SLC4A10: variants seen among roughly 807,000 people sequenced by gnomAD.
SLC4A10 encodes sodium-driven chloride bicarbonate exchanger.
A neutral mutation model predicts 137.7 loss-of-function variants in SLC4A10; 42 were observed. The ratio of observed to expected loss-of-function variants is 0.30; its 90% CI spans 0.24 to 0.39. The LOEUF (loss-of-function observed/expected upper bound fraction) is 0.39, where lower values mean the gene tolerates loss of function less well. Ranked by LOEUF, SLC4A10 falls within the 10% of genes least tolerant of loss-of-function variation. The pLI is 1.00. For synonymous variants in SLC4A10, 474 were observed against 464.1 expected (o/e 1.02, Z -0.27); for missense variants, 925 against 1,355.0 (o/e 0.68, Z 4.98).
intron 1 of SLC4A10, among the ~76,000 whole-genome samples, chr2:161,765,577 T>G (rs1387860505): frequency 6.8e-6 from 1 of 147,000 alleles, no homozygotes; most frequent in Non-Finnish European, 1.5e-5. Context: ...ATCATGCCAC[T>G]GTACTCCAGC....
At chr2:161,724,541 C>T (rs1172791759) in intron 1 of SLC4A10, among the ~76,000 whole-genome samples, 2 of 152,122 alleles carry the variant, frequency 1.3e-5, no homozygotes, top group South Asian at 2.1e-4. Flanking sequence ...TTTAGTGCAG[C>T]GTGCTATGGG....
At chr2:161,856,468 C>G (rs1003839757) in intron 5 of SLC4A10, among the ~76,000 whole-genome samples, 15 of 151,392 alleles carry the variant, frequency 9.9e-5, no homozygotes, top group Non-Finnish European at 1.0e-4. Flanking sequence ...AGAGATTATT[C>G]TTTAAGTTAC....
intron 1 of SLC4A10, among the ~76,000 whole-genome samples, chr2:161,742,269 G>T (rs902700523): frequency 1.3e-5 from 2 of 152,000 alleles, no homozygotes; most frequent in African/African-American, 2.4e-5. Flanking sequence ...TGTGACTAAT[G>T]CTGGAATAAA....
chr2:161,814,943 A>C (rs2056905605), intron 3 of SLC4A10, among the ~76,000 whole-genome samples: 1 of 152,128 alleles, frequency 6.6e-6, no homozygotes, highest in African/African-American at 2.4e-5. Context: ...AATTATTTTT[A>C]AAACTTACCA....
intron 3 of SLC4A10, 142 bp downstream of exon 3, chr2:161,804,737 G>A (rs779296214): frequency 2.5e-4 from 164 of 647,332 alleles, no homozygotes; most frequent in Non-Finnish European, 3.5e-4. Context: ...AGAGAAGTGG[G>A]AGAGATAAAG....
intron 3 of SLC4A10, among the ~76,000 whole-genome samples, chr2:161,827,755 C>T (rs929591770): frequency 6.6e-6 from 1 of 152,098 alleles, no homozygotes; most frequent in Non-Finnish European, 1.5e-5. Flanking sequence ...TTAGTAGAGA[C>T]GGGGTTTCGC....
chr2:161,979,626 C>G (rs1463578818), intron 26 of SLC4A10, among the ~76,000 whole-genome samples: 1 of 152,176 alleles, frequency 6.6e-6, no homozygotes, highest in African/African-American at 2.4e-5. Flanking sequence ...ACTACTGATA[C>G]TAATAAGGCT....
intron 1 of SLC4A10, among the ~76,000 whole-genome samples, chr2:161,757,740 G>A (rs2049821224): frequency 6.6e-6 from 1 of 152,026 alleles, no homozygotes; most frequent in Admixed American, 6.6e-5. Flanking sequence ...TTCAATACAT[G>A]GGAACTATTT....
intron 1 of SLC4A10, among the ~76,000 whole-genome samples, chr2:161,691,731 T>A (rs2042021581): frequency 6.6e-6 from 1 of 152,114 alleles, no homozygotes. Context: ...GGGCAGAATC[T>A]CATAGAGGAG....
At chr2:161,789,356 C>G (rs1424393829) in intron 2 of SLC4A10, among the ~76,000 whole-genome samples, 1 of 152,102 alleles carries the variant, frequency 6.6e-6, no homozygotes, top group African/African-American at 2.4e-5. Flanking sequence ...TCAGTGTCTG[C>G]CAGACTTTTG....
At chr2:161,802,931 C>T (rs2055526929) in intron 2 of SLC4A10, among the ~76,000 whole-genome samples, 1 of 152,096 alleles carries the variant, frequency 6.6e-6, no homozygotes, top group Non-Finnish European at 1.5e-5. Context: ...TAAATACAGT[C>T]ACATTTGGGG....
chr2:161,839,848 A>C lies in SLC4A10; in HGVS notation c.337A>C (p.Ile113Leu). The C allele has an allele frequency of 1.9e-6, 3 of 1,613,894 alleles. No individual in the cohort carries two copies. The highest frequency in any genetic ancestry group is 2.5e-6 in the Non-Finnish European group (3 of 1,179,796). The change falls in exon 4 of 27, where the codon ATT becomes CTT. Residue 113 changes from isoleucine to leucine, a missense_variant. Transcript: ENST00000446997. ...AACCGAGGATGATGACGAGGAACAC[A>C]TTCCTCATGACCTTTTCACAGAACT... ...LGTEDDDEEH[I>L]PHDLFTELDE...
chr2:161,737,731 C>T (rs1217523343), intron 1 of SLC4A10, among the ~76,000 whole-genome samples: 1 of 151,940 alleles, frequency 6.6e-6, no homozygotes, highest in Non-Finnish European at 1.5e-5. Flanking sequence ...CTTTTGAGGC[C>T]TAATATGCAT....
chr2:161,653,960 A>C (rs2037165992), intron 1 of SLC4A10, among the ~76,000 whole-genome samples: 1 of 152,116 alleles, frequency 6.6e-6, no homozygotes, highest in South Asian at 2.1e-4. Flanking sequence ...TTTTTGAGGA[A>C]TCTCTATACT....
At chr2:161,831,805 T>G (rs2058451829) in intron 3 of SLC4A10, among the ~76,000 whole-genome samples, 1 of 152,164 alleles carries the variant, frequency 6.6e-6, no homozygotes, top group South Asian at 2.1e-4. Context: ...CAAAGAAGTT[T>G]CAATTTCAAC....
At chr2:161,913,567 G>A (rs1053852395) in intron 15 of SLC4A10, among the ~76,000 whole-genome samples, 1 of 152,130 alleles carries the variant, frequency 6.6e-6, no homozygotes, top group African/African-American at 2.4e-5. Flanking sequence ...AGAGAAAGTA[G>A]CACGTTGTCT....
chr2:161,871,418 A>G (rs2125921847), intron 6 of SLC4A10, among the ~76,000 whole-genome samples: 1 of 151,922 alleles, frequency 6.6e-6, no homozygotes, highest in Admixed American at 6.6e-5. Flanking sequence ...AAAGATGGGG[A>G]GATGTTTAAT....
At chr2:161,842,607 A>G (rs1310450878) in intron 4 of SLC4A10, among the ~76,000 whole-genome samples, 1 of 152,070 alleles carries the variant, frequency 6.6e-6, no homozygotes, top group Non-Finnish European at 1.5e-5. Flanking sequence ...AATTTACATA[A>G]GTTTCCTCAT....
chr2:161,804,710 G>C (rs2055737958), intron 3 of SLC4A10, 115 bp downstream of exon 3: 2 of 991,754 alleles, frequency 2.0e-6, no homozygotes, highest in Non-Finnish European at 2.7e-6. Context: ...TTTTATAAAA[G>C]ACTTTGGGCC....
Sources: gnomAD v4.1 joint callset for allele counts (sites outside exome capture counted in the v4.1 genomes callset) on GRCh38, gnomAD v4.1.1 for gene constraint, MANE v1.5 for transcripts, NCBI Gene and HGNC (gene_info 2026-07-23, HGNC 2026-07-21) for gene names.